The following ACO2 variants were observed in gnomAD, a reference collection of about 807,000 sequenced individuals.
The protein encoded by ACO2 is aconitase 2.
A neutral mutation model predicts 84.5 loss-of-function variants in ACO2; 31 were observed. The ratio of observed to expected loss-of-function variants is 0.37; its 90% CI spans 0.28 to 0.50. ACO2 has a LOEUF of 0.50. Among genes scored for constraint, ACO2 ranks in the 20% least tolerant of loss-of-function variants. ACO2 has a pLI of 0.97. For missense variants in ACO2, 685 were observed against 1,029.3 expected (o/e 0.67, Z 4.58); for synonymous variants, 414 against 412.7 (o/e 1.00, Z -0.04).
intron 6 of ACO2, among the ~76,000 whole-genome samples, chr22:41,516,549 G>C (rs2066477245): frequency 6.6e-6 from 1 of 152,180 alleles, no homozygotes; most frequent in Non-Finnish European, 1.5e-5. Context: ...CCCCTGCAGT[G>C]ATGGGGGCTC....
intron 15 of ACO2, chr22:41,527,049 T>C: frequency 1.7e-6 from 1 of 596,754 alleles, no homozygotes; most frequent in East Asian, 2.9e-5. Context: ...GGGTGGCTTC[T>C]GTCTTCTTTG....
At chr22:41,514,791 G>A (rs893215884) in intron 4 of ACO2, among the ~76,000 whole-genome samples, 5 of 152,354 alleles carry the variant, frequency 3.3e-5, no homozygotes, top group South Asian at 4.1e-4. Context: ...GGGTGGCATC[G>A]CGCCTTGAGC....
At chr22:41,506,365 G>A (rs1214972265) in intron 2 of ACO2, among the ~76,000 whole-genome samples, 1 of 151,916 alleles carries the variant, frequency 6.6e-6, no homozygotes, top group East Asian at 1.9e-4. Flanking sequence ...CCATTCTCCT[G>A]CCTCAGCCTC....
At chr22:41,481,465 C>T (rs765704403) in intron 1 of ACO2, among the ~76,000 whole-genome samples, 41 of 152,360 alleles carry the variant, frequency 2.7e-4, no homozygotes, top group Middle Eastern at 3.4e-3. Flanking sequence ...GTGCTGTATG[C>T]ACCATGCTGG....
chr22:41,527,160 C>T, intron 15 of ACO2, 128 bp from the exon 16 acceptor site: 8 of 1,429,512 alleles, frequency 5.6e-6, no homozygotes, highest in Non-Finnish European at 7.7e-6. Flanking sequence ...GGAAGGGCCC[C>T]TCCAGCCCCT....
chr22:41,472,352 CAAA>C (rs1304914957), intron 1 of ACO2, among the ~76,000 whole-genome samples: 3 of 74,204 alleles, frequency 4.0e-5, no homozygotes, highest in South Asian at 4.2e-4. Flanking sequence ...GACTCCGTCT[CAAA>C]AAAAAAAAAA....
At chr22:41,475,462 T>A (rs1005638824) in intron 1 of ACO2, among the ~76,000 whole-genome samples, 3 of 151,488 alleles carry the variant, frequency 2.0e-5, no homozygotes, top group Admixed American at 6.6e-5. Flanking sequence ...GGGAAGAGAG[T>A]GTTGAGTCTT....
At chr22:41,494,349 C>G (rs2066295852) in intron 1 of ACO2, among the ~76,000 whole-genome samples, 1 of 151,810 alleles carries the variant, frequency 6.6e-6, no homozygotes, top group Admixed American at 6.6e-5. Context: ...GTGCGTCACA[C>G]TGTGCTTGTC....
At chr22:41,518,400 G>C (rs780039500) in intron 7 of ACO2, 81 bp from the exon 8 acceptor site, 1 of 1,069,454 alleles carries the variant, frequency 9.4e-7, no homozygotes, top group African/African-American at 1.6e-5. Flanking sequence ...GTGTTTGGCA[G>C]GTGCTCAGGT....
At chr22:41,511,829 G>C (rs758331836) in intron 3 of ACO2, 47 bp from the exon 4 acceptor site, 2 of 1,480,954 alleles carry the variant, frequency 1.4e-6, no homozygotes, top group Admixed American at 1.9e-5. Context: ...GGGTCACCTG[G>C]ACACAAACCA....
At chr22:41,474,104 G>A (rs1378462486) in intron 1 of ACO2, among the ~76,000 whole-genome samples, 1 of 152,034 alleles carries the variant, frequency 6.6e-6, no homozygotes, top group South Asian at 2.1e-4. Context: ...GAATGGCAGA[G>A]GAGTCTGGGA....
chr22:41,492,561 T>C (rs1601893410), intron 1 of ACO2, among the ~76,000 whole-genome samples: 1 of 151,676 alleles, frequency 6.6e-6, no homozygotes, highest in Non-Finnish European at 1.5e-5. Context: ...ATCACCTGAG[T>C]TTGGGAGTTA....
At chr22:41,524,720 AGGGGTCT>A (rs1336431383) in intron 12 of ACO2, 119 bp from the exon 13 acceptor site, 1 of 1,450,210 alleles carries the variant, frequency 6.9e-7, no homozygotes, top group African/African-American at 1.4e-5. Flanking sequence ...TGAGGAACAC[AGGGGTCT>A]GGGAAGAACA....
At position 41,524,826 on chromosome 22, in the gene ACO2, A is replaced by G; in HGVS notation, c.1483-20A>G. ...AGTGGCAATTGGTGCTGACCAACAA[A>G]CTGGCCACCTCCATTTCAGATTGTC... On this transcript the variant is annotated intron_variant, in intron 12 of 17. Coordinates refer to ENST00000216254, the MANE Select transcript of ACO2 (RefSeq NM_001098.3). The G allele has an allele frequency of 6.2e-7, 1 of 1,614,032 alleles. No individual in the cohort carries two copies. The highest frequency in any genetic ancestry group is 8.5e-7 in the Non-Finnish European group (1 of 1,180,006).
chr22:41,470,166 G>A (rs1421466417), intron 1 of ACO2, among the ~76,000 whole-genome samples: 1 of 152,102 alleles, frequency 6.6e-6, no homozygotes, highest in Non-Finnish European at 1.5e-5. Flanking sequence ...CCCTGGGAAG[G>A]TGTTATACTC....
chr22:41,504,683 G>A (rs1327131241), intron 2 of ACO2, among the ~76,000 whole-genome samples: 3 of 129,224 alleles, frequency 2.3e-5, no homozygotes, highest in Non-Finnish European at 4.7e-5. Flanking sequence ...TTGGTCTGCT[G>A]TTGCCAGCAG....
intron 1 of ACO2, among the ~76,000 whole-genome samples, chr22:41,484,306 G>C (rs188754838): frequency 1.6e-4 from 25 of 152,132 alleles, no homozygotes; most frequent in African/African-American, 5.8e-4. Flanking sequence ...ATGGTACCAG[G>C]GATTGTGGGG....
chr22:41,512,782 CGTGT>C (rs2066444167), intron 4 of ACO2, among the ~76,000 whole-genome samples: 1 of 152,164 alleles, frequency 6.6e-6, no homozygotes, highest in Non-Finnish European at 1.5e-5. Flanking sequence ...CAAGTGTGAA[CGTGT>C]ATATCCTGGG....
chr22:41,495,232 T>C (rs2066304377), intron 1 of ACO2, among the ~76,000 whole-genome samples: 1 of 152,050 alleles, frequency 6.6e-6, no homozygotes, highest in Non-Finnish European at 1.5e-5. Context: ...AAGGCCTTGC[T>C]GTCTTGCCCA....
Sources: gnomAD v4.1 joint callset for allele counts (sites outside exome capture counted in the v4.1 genomes callset) on GRCh38, gnomAD v4.1.1 for gene constraint, MANE v1.5 for transcripts, NCBI Gene and HGNC (gene_info 2026-07-23, HGNC 2026-07-21) for gene names.